Variants in TMEM132B observed in about 807,000 individuals in gnomAD.
TMEM132B encodes transmembrane protein 132B.
A neutral mutation model predicts 90.8 loss-of-function variants in TMEM132B; 18 were observed. That is an observed-to-expected ratio of 0.20 (90% CI 0.14 to 0.29). TMEM132B has a LOEUF of 0.29. Among genes scored for constraint, TMEM132B ranks in the 10% least tolerant of loss-of-function variants. The pLI, the probability that TMEM132B is intolerant of heterozygous loss-of-function variation, is 1.00. For synonymous variants in TMEM132B, 504 were observed against 523.3 expected (o/e 0.96, Z 0.50); for missense variants, 1,096 against 1,326.8 (o/e 0.83, Z 2.70).
intron 5 of TMEM132B, among the ~76,000 whole-genome samples, chr12:125,617,594 C>G (rs1475584140): frequency 1.3e-5 from 2 of 152,190 alleles, no homozygotes; most frequent in Non-Finnish European, 2.9e-5. Context: ...ATCCACCCCC[C>G]TCGGCCTCCC....
Position 125,406,548 on chromosome 12 carries a change from T to C in TMEM132B, c.960-8983T>C, listed in dbSNP as rs554891031. 2.0e-5 allele frequency among the ~76,000 whole-genome samples: 3 copies of C among 152,350 alleles called. No homozygotes were observed. Among genetic ancestry groups the C allele is most frequent in the African/African-American group, 7.2e-5 (3 of 41,582 alleles). On this transcript the variant is annotated intron_variant, in intron 2 of 8. Transcript: ENST00000682704. The surrounding 1 kb of genome is among the most constrained non-coding windows in gnomAD (Gnocchi z 8.3). Reference sequence around the variant, plus strand: ...CCTCTTTGCATTTCCAAGTGCTTCATGTGTAGTACCTGAAACTCAAGAAAT... The same window carrying C: ...CCTCTTTGCATTTCCAAGTGCTTCACGTGTAGTACCTGAAACTCAAGAAAT...
intron 5 of TMEM132B, among the ~76,000 whole-genome samples, chr12:125,618,928 AT>A (rs1886054510): frequency 1.3e-5 from 2 of 152,188 alleles, no homozygotes; most frequent in Admixed American, 6.5e-5. Flanking sequence ...TTATTTTTAA[AT>A]TTATGGTAAT....
At chr12:125,373,634 T>C (rs1269443586) in intron 2 of TMEM132B, among the ~76,000 whole-genome samples, 2 of 152,172 alleles carry the variant, frequency 1.3e-5, no homozygotes, top group South Asian at 2.1e-4. Context: ...AAAGTACCAT[T>C]GTAGTGCCCT....
intron 3 of TMEM132B, among the ~76,000 whole-genome samples, chr12:125,502,583 C>A (rs1239479879): frequency 6.6e-6 from 1 of 152,244 alleles, no homozygotes; most frequent in East Asian, 1.9e-4. Flanking sequence ...ATGTGCAGTA[C>A]TCTCGCGTGT....
At chr12:125,436,712 A>C (rs12371548) in intron 3 of TMEM132B, among the ~76,000 whole-genome samples, 11,786 of 152,192 alleles carry the variant, frequency 0.077, 649 homozygotes, top group Non-Finnish European at 0.11. Flanking sequence ...CAAGGGAATA[A>C]ATTTCTGTGG....
chr12:125,515,763 CTCACACACATTT>C (rs1883131903), intron 3 of TMEM132B, among the ~76,000 whole-genome samples: 1 of 151,968 alleles, frequency 6.6e-6, no homozygotes, highest in African/African-American at 2.4e-5. Context: ...TTCACACATT[CTCACACACATTT>C]GCACATCTCT....
intron 4 of TMEM132B, among the ~76,000 whole-genome samples, chr12:125,578,639 G>T (rs148126969): frequency 3.3e-5 from 5 of 152,126 alleles, no homozygotes; most frequent in African/African-American, 7.2e-5. Context: ...TGTTAGTGAA[G>T]AACTCTCTCA....
chr12:125,483,642 G>T (rs961173018), intron 3 of TMEM132B, among the ~76,000 whole-genome samples: 3 of 152,144 alleles, frequency 2.0e-5, no homozygotes, highest in East Asian at 1.9e-4. Context: ...AGCAAGAAGA[G>T]AATTTATTAG....
chr12:125,421,621 G>A (rs148143283), intron 3 of TMEM132B, among the ~76,000 whole-genome samples: 4 of 152,228 alleles, frequency 2.6e-5, no homozygotes, highest in African/African-American at 9.6e-5. Context: ...CTACCATATT[G>A]GAAAATCTGG....
intron 4 of TMEM132B, among the ~76,000 whole-genome samples, chr12:125,578,808 C>T (rs1884989673): frequency 6.6e-6 from 1 of 152,130 alleles, no homozygotes; most frequent in Non-Finnish European, 1.5e-5. Context: ...TACAACAGGT[C>T]TTAGTCTTAT....
At chr12:125,312,085 C>G (rs1484423064) in intron 1 of TMEM132B, among the ~76,000 whole-genome samples, 1 of 152,212 alleles carries the variant, frequency 6.6e-6, no homozygotes, top group East Asian at 1.9e-4. Flanking sequence ...CAGCTCCAGC[C>G]AACTGTCATC....
rs934579584 is a variant in TMEM132B at position 125,209,383 on chromosome 12, G to A, written c.67+22517G>A. On this transcript the variant is annotated intron_variant, in intron 1 of 8. Coordinates refer to ENST00000682704, the MANE Select transcript of TMEM132B (RefSeq NM_001366854.1). This position sits in a 1 kb window ranked among gnomAD's most constrained non-coding sequence, Gnocchi z 4.4. Reference sequence around the variant, plus strand: ...TTTGTCCCAGCCTGGGACAGCAGACGCTAGCAGTGGCAGCAGAGTGGCTGG... The same window carrying A: ...TTTGTCCCAGCCTGGGACAGCAGACACTAGCAGTGGCAGCAGAGTGGCTGG... Among the ~76,000 whole-genome samples the A allele has an allele frequency of 3.9e-5, 6 of 152,220 alleles. No homozygotes were observed. The highest frequency in any genetic ancestry group is 1.9e-4 in the East Asian group (1 of 5,192).
In TMEM132B at chr12:125,536,271, C is replaced by T. The variant is rs148354997; in HGVS notation, c.1293+16646C>T. 1.6e-4 allele frequency among the ~76,000 whole-genome samples: 24 copies of T among 152,282 alleles called. No homozygotes were observed. The East Asian group carries it at 2.3e-3, about 15-fold the overall frequency. On this transcript the variant is annotated intron_variant, in intron 4 of 8. Coordinates refer to ENST00000682704, the MANE Select transcript of TMEM132B (RefSeq NM_001366854.1). ...AACAGAGGCTGCTGTCCTTAAGAGG[C>T]GCCATCTCCCAGGGACGATGCCATC... is the stretch of plus-strand genomic sequence containing the variant.
intron 3 of TMEM132B, among the ~76,000 whole-genome samples, chr12:125,499,456 G>A (rs1057039533): frequency 1.3e-5 from 2 of 152,194 alleles, no homozygotes; most frequent in African/African-American, 2.4e-5. Context: ...CCAACAGCGC[G>A]TGATGTGCTT....
chr12:125,618,602 A>G (rs1886045803), intron 5 of TMEM132B, among the ~76,000 whole-genome samples: 1 of 152,186 alleles, frequency 6.6e-6, no homozygotes, highest in African/African-American at 2.4e-5. Context: ...TCTTAAATCG[A>G]TGCCTCCTTA....
At chr12:125,516,435 T>C (rs1465840495) in intron 3 of TMEM132B, among the ~76,000 whole-genome samples, 1 of 152,220 alleles carries the variant, frequency 6.6e-6, no homozygotes, top group Non-Finnish European at 1.5e-5. Flanking sequence ...GTATAAGACC[T>C]CTTTCCTCTG....
rs1340951508 is a variant in TMEM132B at position 125,406,648 on chromosome 12, C to T, written c.960-8883C>T. 1.3e-5 allele frequency among the ~76,000 whole-genome samples: 2 copies of T among 152,098 alleles called. No individual in the cohort carries two copies. Among genetic ancestry groups the T allele is most frequent in the Non-Finnish European group, 2.9e-5 (2 of 68,018 alleles). On this transcript the variant is annotated intron_variant, in intron 2 of 8. Transcript: ENST00000682704. The surrounding 1 kb of genome is among the most constrained non-coding windows in gnomAD (Gnocchi z 8.3). ...TTTCACAGTCTTGATGGCGTGAGTT[C>T]TAATTGCACGCTTCCTTCTCCAACC... is the stretch of plus-strand genomic sequence containing the variant.
At chr12:125,510,530 A>G (rs1261506778) in intron 3 of TMEM132B, among the ~76,000 whole-genome samples, 1 of 152,194 alleles carries the variant, frequency 6.6e-6, no homozygotes, top group Admixed American at 6.5e-5. Flanking sequence ...AAACCAAACA[A>G]GAGAGAGTTG....
At chr12:125,286,305 G>A (rs1875355028) in intron 1 of TMEM132B, among the ~76,000 whole-genome samples, 1 of 152,204 alleles carries the variant, frequency 6.6e-6, no homozygotes, top group Non-Finnish European at 1.5e-5. Context: ...GTGTGTCAGG[G>A]AGAGCACTGG....
Sources: gnomAD v4.1 joint callset for allele counts (sites outside exome capture counted in the v4.1 genomes callset) on GRCh38, gnomAD v4.1.1 for gene constraint, Gnocchi (gnomAD v3.1) non-coding constraint, MANE v1.5 for transcripts, NCBI Gene and HGNC (gene_info 2026-07-23, HGNC 2026-07-21) for gene names.